PDE4B: variants seen among roughly 807,000 people sequenced by gnomAD.
The protein encoded by PDE4B is 3',5'-cyclic-AMP phosphodiesterase 4B.
In PDE4B, 20 loss-of-function variants were observed where a neutral mutation model predicts 82.2. That is an observed-to-expected ratio of 0.24 (90% confidence interval 0.17 to 0.35). The LOEUF (loss-of-function observed/expected upper bound fraction) is 0.35. Ranked by LOEUF, PDE4B falls within the 10% of genes least tolerant of loss-of-function variation. The pLI is 1.00. For missense variants in PDE4B, 655 were observed against 907.2 expected (o/e 0.72, Z 3.57); for synonymous variants, 320 against 318.9 (o/e 1.00, Z -0.04).
intron 7 of PDE4B, among the ~76,000 whole-genome samples, chr1:66,289,867 G>T (rs891626411): frequency 6.6e-6 from 1 of 152,004 alleles, no homozygotes; most frequent in Non-Finnish European, 1.5e-5. Context: ...GAAGTGGACC[G>T]ATGTGTAATA....
intron 16 of PDE4B, among the ~76,000 whole-genome samples, chr1:66,369,974 C>T (rs1663557455): frequency 6.6e-6 from 1 of 151,464 alleles, no homozygotes; most frequent in Admixed American, 6.6e-5. Context: ...ATGGTGAAAC[C>T]CTGTCTCTAC....
chr1:65,881,411 G>A (rs569475989), intron 1 of PDE4B, among the ~76,000 whole-genome samples: 9 of 152,198 alleles, frequency 5.9e-5, no homozygotes, highest in Admixed American at 1.3e-4. Context: ...ACTGTGGTTG[G>A]CACCAAAACC....
chr1:66,216,898 C>T (rs1220238969), intron 3 of PDE4B, among the ~76,000 whole-genome samples: 1 of 152,090 alleles, frequency 6.6e-6, no homozygotes, highest in Non-Finnish European at 1.5e-5. Context: ...TCAATTTCAG[C>T]CTCATTACCT....
chr1:65,845,589 G>GAATTTCTTCTGGTTTAA (rs1372047401), intron 1 of PDE4B, among the ~76,000 whole-genome samples: 4 of 152,082 alleles, frequency 2.6e-5, no homozygotes, highest in Non-Finnish European at 5.9e-5. Context: ...AGGAAATGTG[G>GAATTTCTTCTGGTTTAA]GCGGAATGAA....
At chr1:66,010,320 A>G (rs1008669104) in intron 3 of PDE4B, among the ~76,000 whole-genome samples, 2 of 151,618 alleles carry the variant, frequency 1.3e-5, no homozygotes, top group Non-Finnish European at 2.9e-5. Context: ...AAAAAATATT[A>G]TATAAAATTT....
intron 3 of PDE4B, among the ~76,000 whole-genome samples, chr1:66,139,348 ACT>A (rs1646121876): frequency 6.6e-6 from 1 of 151,956 alleles, no homozygotes; most frequent in African/African-American, 2.4e-5. Context: ...CAACCAGGAA[ACT>A]CTCTTAGCTC....
At chr1:65,899,897 G>T (rs1646952511) in intron 1 of PDE4B, among the ~76,000 whole-genome samples, 1 of 151,868 alleles carries the variant, frequency 6.6e-6, no homozygotes, top group African/African-American at 2.4e-5. Flanking sequence ...TGGGAAGGGG[G>T]TGAGGGATAA....
intron 3 of PDE4B, among the ~76,000 whole-genome samples, chr1:65,945,887 C>T (rs918382844): frequency 1.1e-4 from 17 of 151,974 alleles, no homozygotes; most frequent in African/African-American, 1.2e-4. Context: ...TTACCCAGAC[C>T]TTTTCATACC....
rs1285443640 is a variant in PDE4B at position 65,947,324 on chromosome 1, G to C, written c.281+28489G>C. ...GTGGCGACATACTTTTGGTGTGCTTGGTGACTCTTGGTTAACAGGTGGTCC... is the reference window on the plus strand; with the variant it reads ...GTGGCGACATACTTTTGGTGTGCTTCGTGACTCTTGGTTAACAGGTGGTCC... On this transcript the variant is annotated intron_variant, in intron 3 of 16. Transcript: ENST00000341517. 3.9e-4 allele frequency among the ~76,000 whole-genome samples: 60 copies of C among 152,028 alleles called. 2 individuals are homozygous for C. The highest frequency in any genetic ancestry group is 3.9e-3 in the Admixed American group (60 of 15,230).
At chr1:66,131,639 T>TATATATG (rs1645953170) in intron 3 of PDE4B, among the ~76,000 whole-genome samples, 1 of 27,932 alleles carries the variant, frequency 3.6e-5, no homozygotes, top group Non-Finnish European at 1.1e-4. Flanking sequence ...ATATATATAT[T>TATATATG]ACTAACCAGG....
At chr1:66,233,718 AGGAT>A (rs1379937411) in intron 3 of PDE4B, among the ~76,000 whole-genome samples, 3 of 151,218 alleles carry the variant, frequency 2.0e-5, no homozygotes, top group Non-Finnish European at 1.5e-5. Context: ...GTGTGTATAA[AGGAT>A]GGATGTTGAA....
At chr1:66,332,872 T>C (rs1244457651) in intron 8 of PDE4B, among the ~76,000 whole-genome samples, 1 of 152,224 alleles carries the variant, frequency 6.6e-6, no homozygotes, top group Non-Finnish European at 1.5e-5. Context: ...CAGTTTGGAA[T>C]AGGTTTAAGG....
At position 65,850,391 on chromosome 1, in the gene PDE4B, C is replaced by T. The variant is rs75280373; in HGVS notation, c.-71+57143C>T. On this transcript the variant is annotated intron_variant, in intron 1 of 16. Coordinates refer to ENST00000341517, the MANE Select transcript of PDE4B (RefSeq NM_002600.4). ...GGATTACAGGGGTGAGCACTGTGCC[C>T]GGCCTGCTCTGTACTTTTTGTAGTG... 4.0e-3 allele frequency among the ~76,000 whole-genome samples: 612 copies of T among 152,166 alleles called. 5 individuals are homozygous for T. Among genetic ancestry groups the T allele is most frequent in the African/African-American group, 0.013 (527 of 41,504 alleles).
intron 3 of PDE4B, among the ~76,000 whole-genome samples, chr1:65,942,044 G>A (rs1371087061): frequency 6.6e-6 from 1 of 152,088 alleles, no homozygotes; most frequent in Non-Finnish European, 1.5e-5. Context: ...GTCCAAAGCT[G>A]TGTAATGGCT....
rs144481372 is a variant in PDE4B, at chr1:65,860,508, C to T, written c.-70-52737C>T. 4.2e-3 allele frequency among the ~76,000 whole-genome samples: 641 copies of T among 152,240 alleles called. 7 individuals carry two copies. The highest frequency in any genetic ancestry group is 0.012 in the African/African-American group (508 of 41,536). On this transcript the variant is annotated intron_variant, in intron 1 of 16. Transcript: ENST00000341517. Reference sequence around the variant, plus strand: ...TGTGAACAGTGCTGCAATAAACATACGTGTGCATGTGTCTTTATAGTAGAA... The same window carrying T: ...TGTGAACAGTGCTGCAATAAACATATGTGTGCATGTGTCTTTATAGTAGAA...
chr1:66,370,150 C>CAAAAAAAA (rs752920376), intron 16 of PDE4B, among the ~76,000 whole-genome samples: 46 of 28,636 alleles, frequency 1.6e-3, no homozygotes, highest in Non-Finnish European at 2.2e-3. Flanking sequence ...GACTCTATCT[C>CAAAAAAAA]AAAAAAAAAA....
intron 3 of PDE4B, among the ~76,000 whole-genome samples, chr1:65,959,069 G>A (rs1649416093): frequency 6.6e-6 from 1 of 152,138 alleles, no homozygotes; most frequent in Admixed American, 6.6e-5. Flanking sequence ...TTTCCTGTAG[G>A]CTAACACCGC....
At chr1:66,034,603 T>C (rs1030318108) in intron 3 of PDE4B, among the ~76,000 whole-genome samples, 2 of 152,182 alleles carry the variant, frequency 1.3e-5, no homozygotes, top group African/African-American at 4.8e-5. Flanking sequence ...ATACAGACAT[T>C]GAAAAATTCT....
At chr1:66,197,408 T>C (rs918872332) in intron 3 of PDE4B, among the ~76,000 whole-genome samples, 5 of 152,120 alleles carry the variant, frequency 3.3e-5, no homozygotes, top group African/African-American at 9.7e-5. Context: ...TAGATGTTAA[T>C]CTCTCATAGC....
Sources: gnomAD v4.1 joint callset for allele counts (sites outside exome capture counted in the v4.1 genomes callset) on GRCh38, gnomAD v4.1.1 for gene constraint, MANE v1.5 for transcripts, NCBI Gene and HGNC (gene_info 2026-07-23, HGNC 2026-07-21) for gene names.